EEF1A1: variants seen among roughly 807,000 people sequenced by gnomAD.
EEF1A1 encodes the protein eukaryotic translation elongation factor 1 alpha 1.
EEF1A1 carries 1 observed loss-of-function variant against 38.5 expected under a neutral mutation model. The observed-to-expected ratio is 0.03, with a 90% confidence interval of 0.01 to 0.12. The LOEUF (loss-of-function observed/expected upper bound fraction) is 0.12. EEF1A1 is among the 10% of genes least tolerant of loss of function. The pLI is 1.00. For missense variants in EEF1A1, 184 were observed against 588.3 expected, an observed-to-expected ratio of 0.31 and a Z score of 7.11; for synonymous variants, 229 against 203.7, an observed-to-expected ratio of 1.12 and a Z score of -1.06.
At chr6:73,520,116 C>T (rs967025100) in intron 1 of EEF1A1, 60 bp from the exon 2 acceptor site, 38 of 1,493,090 alleles carry the variant, frequency 2.5e-5, no homozygotes, top group Non-Finnish European at 3.4e-5. Flanking sequence ...AACCAAGATC[C>T]AAACTCAAAA....
At chr6:73,519,837 T>C (rs753401371) in intron 2 of EEF1A1, 46 bp downstream of exon 2, 2 of 1,609,638 alleles carry the variant, frequency 1.2e-6, no homozygotes, top group Non-Finnish European at 1.7e-6. Context: ...ATTCTGCTGG[T>C]AAAACTCATT....
At chr6:73,518,007 T>A in intron 7 of EEF1A1, 23 bp downstream of exon 7, 1 of 1,608,052 alleles carries the variant, frequency 6.2e-7, no homozygotes, top group Non-Finnish European at 8.5e-7. Flanking sequence ...ACAACTTTTT[T>A]ACATTTAAGT....
rs377342040 is a variant in EEF1A1, at chr6:73,520,034, T to C, written c.-8A>G. The C allele has an allele frequency of 6.3e-7, 1 of 1,589,240 alleles. No homozygotes were observed. Among genetic ancestry groups the C allele is most frequent in the African/African-American group, 1.3e-5 (1 of 74,194 alleles). On this transcript the variant is annotated 5_prime_UTR_variant, in exon 2 of 8. Transcript: ENST00000309268. ...AGTCTTTTCCTTTCCCATTTTGGCT[T>C]TTAGGGGTAGTTTTCACGACACCTG... is the stretch of plus-strand genomic sequence containing the variant.
At position 73,518,986 on chromosome 6, in the gene EEF1A1, T is replaced by C. The variant is rs774949353; in HGVS notation, c.567A>G (p.Ala189=). 6.2e-7 allele frequency: 1 copy of C among 1,602,642 alleles called. No homozygotes were observed. The highest frequency in any genetic ancestry group is 8.5e-7 in the Non-Finnish European group (1 of 1,173,726). Reference sequence around the variant, plus strand: ...CATTCCAACCAGAAATTGGCACAAATGCTACTGTGTCGGGGTTGTAGCCAA... The same window carrying C: ...CATTCCAACCAGAAATTGGCACAAACGCTACTGTGTCGGGGTTGTAGCCAA... ...KKIGYNPDTV[A]FVPISGWNGD... The change falls in exon 4 of 8, where the codon GCA becomes GCG. Residue 189 remains alanine (A), a synonymous_variant. Transcript: ENST00000309268.
In EEF1A1 at chr6:73,518,336, G is replaced by A. The variant is rs1419530773; in HGVS notation, c.1029+18C>T. 9 of 1,612,062 alleles carry A rather than the reference G, an allele frequency of 5.6e-6. No homozygotes were observed. The highest frequency in any genetic ancestry group is 2.7e-5 in the African/African-American group (2 of 74,654). ...ACTTTAGCCTCTGCAATAAGTTAAT[G>A]TTACTTTAAATTGTTACCTGAGCAG... On this transcript the variant is annotated intron_variant, in intron 6 of 7. Transcript: ENST00000309268.
intron 2 of EEF1A1, 40 bp downstream of exon 2, chr6:73,519,843 T>C (rs1240027555): frequency 1.9e-6 from 3 of 1,610,338 alleles, no homozygotes; most frequent in Non-Finnish European, 1.7e-6. Context: ...CTGGTAAAAC[T>C]CATTTTAGTT....
Position 73,518,889 on chromosome 6 carries a change from C to A in EEF1A1, c.622-41G>T. On this transcript the variant is annotated intron_variant, in intron 4 of 7. Transcript: ENST00000309268. ...GCCAATTTGTGTAAGCATGAAATCG[C>A]CATTCCCAGAGCTTTTTAACAATGG... The A allele has an allele frequency of 1.9e-6, 3 of 1,610,918 alleles. No homozygotes were observed. In the South Asian group the frequency reaches 3.3e-5, roughly 18 times the overall value.
At chr6:73,519,846 T>C in intron 2 of EEF1A1, 37 bp downstream of exon 2, 1 of 1,610,870 alleles carries the variant, frequency 6.2e-7, no homozygotes, top group South Asian at 1.1e-5. Flanking sequence ...GTAAAACTCA[T>C]TTTAGTTGAT....
Position 73,520,882 on chromosome 6 carries a change from C to T in EEF1A1, c.-31+118G>A, listed in dbSNP as rs565179765. The T allele has an allele frequency of 7.2e-5, 11 of 152,770 alleles. No individual in the cohort carries two copies. In the East Asian group the frequency reaches 2.1e-3, roughly 29 times the overall value. The allele number at this position is 152,770 out of a possible 1,614,324, so 9.5% of individuals were successfully genotyped here. A position where few individuals can be genotyped will look rare whatever the true frequency, so the allele number is the denominator to read the frequency against. The stretch of plus-strand genomic sequence containing the variant: ...TCGAACTCTCCCACCCACTTCCAAC[C>T]CGAAGCTCGGGATCAAGAATCACGT... On this transcript the variant is annotated intron_variant, in intron 1 of 7. Coordinates refer to ENST00000309268, the MANE Select transcript of EEF1A1 (RefSeq NM_001402.6).
rs756564928 is a variant in EEF1A1 at position 73,519,928 on chromosome 6, G to A, written c.99C>T (p.Gly33=). The A allele has an allele frequency of 1.2e-6, 2 of 1,611,260 alleles. No individual in the cohort carries two copies. The highest frequency in any genetic ancestry group is 1.7e-5 in the Admixed American group (1 of 60,006). ...ATTTTTCAATGGTTCTTTTGTCGAT[G>A]CCACCGCATTTATAGATCAGATGGC... ...TTGHLIYKCG[G]IDKRTIEKFE... Residue 33 remains glycine, a synonymous_variant, in exon 2 of 8, where the codon GGC becomes GGT. Transcript: ENST00000309268.
intron 2 of EEF1A1, 52 bp downstream of exon 2, chr6:73,519,831 T>C: frequency 1.2e-6 from 2 of 1,607,560 alleles, no homozygotes; most frequent in Admixed American, 1.7e-5. Context: ...CTAATGATTC[T>C]GCTGGTAAAA....
At position 73,517,584 on chromosome 6, in the gene EEF1A1, A is replaced by G; in HGVS notation, c.*226T>C. On this transcript the variant is annotated 3_prime_UTR_variant, in exon 8 of 8. Transcript: ENST00000309268. ...ATTTTTGGTCAAGTTGTTTCCATTA[A>G]AAAGTACTGATTTTAAAAACTAATA... The G allele has an allele frequency of 2.4e-6, 1 of 410,938 alleles. No individual in the cohort carries two copies. The highest frequency in any genetic ancestry group is 4.3e-6 in the Non-Finnish European group (1 of 231,612). The allele number at this position is 410,938 out of a possible 1,614,324, so 25.5% of individuals were successfully genotyped here.
At chr6:73,520,178 G>A in intron 1 of EEF1A1, 122 bp from the exon 2 acceptor site, 2 of 884,240 alleles carry the variant, frequency 2.3e-6, no homozygotes, top group African/African-American at 1.7e-5. Context: ...CCTAACTTCA[G>A]TCTCCACCCA....
At chr6:73,519,610 A>C in intron 2 of EEF1A1, 94 bp from the exon 3 acceptor site, 1 of 1,379,960 alleles carries the variant, frequency 7.2e-7, no homozygotes, top group Non-Finnish European at 9.8e-7. Flanking sequence ...TTTCCACTTT[A>C]CAACTCCAAG....
Position 73,519,603 on chromosome 6 carries a change from C to T in EEF1A1, c.145-87G>A, listed in dbSNP as rs538738926. 39 of 1,409,816 alleles carry T rather than the reference C, an allele frequency of 2.8e-5. 1 individual carries two copies. The South Asian group carries it at 3.3e-4, about 12-fold the overall frequency. 87.3% of individuals were successfully genotyped at this position (1,409,816 alleles called of 1,614,324 possible). On this transcript the variant is annotated intron_variant, in intron 2 of 7. Coordinates refer to ENST00000309268, the MANE Select transcript of EEF1A1 (RefSeq NM_001402.6). Reference sequence around the variant, plus strand: ...GTCCCCAGCCCTTAATTGGCAGTTTCCACTTTACAACTCCAAGTCCAAAGT... The same window carrying T: ...GTCCCCAGCCCTTAATTGGCAGTTTTCACTTTACAACTCCAAGTCCAAAGT...
chr6:73,518,666 CTCAAAT>C (rs762048309), intron 5 of EEF1A1, 26 bp downstream of exon 5: 2 of 1,613,122 alleles, frequency 1.2e-6, no homozygotes, highest in Non-Finnish European at 8.5e-7. Flanking sequence ...ACTCTATCAA[CTCAAAT>C]TCAACTTTGT....
rs575498397 is a variant in EEF1A1 at position 73,518,774 on chromosome 6, C to T, written c.696G>A (p.Leu232=). The change falls in exon 5 of 8, where the codon CTG becomes CTA. Residue 232 remains leucine, a synonymous_variant. Transcript: ENST00000309268. ...GACGAGTTGGTGGTAGGATGCAGTCCAGAGCCTCAAGCAGCGTGGTTCCAC... is the reference window on the plus strand; with the variant it reads ...GACGAGTTGGTGGTAGGATGCAGTCTAGAGCCTCAAGCAGCGTGGTTCCAC... ...NASGTTLLEA[L]DCILPPTRPT... 125 of 1,614,116 alleles carry T rather than the reference C, an allele frequency of 7.7e-5. No individual in the cohort carries two copies. The highest frequency in any genetic ancestry group is 9.1e-5 in the Non-Finnish European group (107 of 1,180,058).
intron 1 of EEF1A1, chr6:73,520,583 G>C (rs1003276650): frequency 2.0e-5 from 3 of 152,808 alleles, no homozygotes; most frequent in African/African-American, 7.2e-5. Flanking sequence ...GCCCCGCCTC[G>C]CCGAACATGT....
Position 73,519,320 on chromosome 6 carries a change from T to C in EEF1A1, c.324+17A>G, listed in dbSNP as rs562918025. ...CCTTTTGGGATAAAGAAACCTAGAA[T>C]TATTAATCCCACCAACCTGAGATGT... On this transcript the variant is annotated intron_variant, in intron 3 of 7. Transcript: ENST00000309268. The C allele has an allele frequency of 7.5e-6, 12 of 1,607,174 alleles. No homozygotes were observed. The African/African-American group carries it at 1.3e-4, about 18-fold the overall frequency.
Sources: gnomAD v4.1 joint callset for allele counts on GRCh38, gnomAD v4.1.1 for gene constraint, MANE v1.5 for transcripts, NCBI Gene and HGNC (gene_info 2026-07-23, HGNC 2026-07-21) for gene names.